Variants in SGCZ observed in about 807,000 individuals in gnomAD.
SGCZ encodes zeta-sarcoglycan.
In SGCZ, 40 loss-of-function variants were observed where a neutral mutation model predicts 41.3. The observed-to-expected ratio is 0.97, with a 90% CI of 0.75 to 1.26. SGCZ has a LOEUF of 1.26. SGCZ is among the 50% of genes most tolerant of loss of function. The pLI, the probability that SGCZ is intolerant of heterozygous loss-of-function variation, is 0.00. For missense variants in SGCZ, 552 were observed against 369.8 expected (o/e 1.49, Z -4.04); for synonymous variants, 206 against 137.5 (o/e 1.50, Z -3.49).
chr8:14,469,559 A>C (rs527750342), intron 2 of SGCZ, among the ~76,000 whole-genome samples: 1 of 152,066 alleles, frequency 6.6e-6, no homozygotes, highest in Non-Finnish European at 1.5e-5. Flanking sequence ...AATCCTTGGA[A>C]TCTTTGAAGT....
chr8:14,264,768 T>G (rs1328827108), intron 3 of SGCZ, among the ~76,000 whole-genome samples: 3 of 152,126 alleles, frequency 2.0e-5, no homozygotes, highest in Admixed American at 1.3e-4. Context: ...AAGACCATCC[T>G]GGCTAACACG....
intron 1 of SGCZ, among the ~76,000 whole-genome samples, chr8:15,073,566 T>TAAAAAAA (rs1805427246): frequency 6.6e-6 from 1 of 152,186 alleles, no homozygotes; most frequent in Non-Finnish European, 1.5e-5. Context: ...GATTAACATT[T>TAAAAAAA]TAATCTGTAA....
chr8:14,359,273 T>C (rs1387987058), intron 2 of SGCZ, among the ~76,000 whole-genome samples: 1 of 152,126 alleles, frequency 6.6e-6, no homozygotes, highest in African/African-American at 2.4e-5. Flanking sequence ...AGCTCCAGTA[T>C]GTCTAGCGGT....
intron 5 of SGCZ, among the ~76,000 whole-genome samples, chr8:14,112,289 G>GA (rs77331046): frequency 6.8e-6 from 1 of 148,070 alleles, no homozygotes; most frequent in Non-Finnish European, 1.5e-5. Context: ...TTTGTGGGGG[G>GA]GGGGTGCAAA....
intron 1 of SGCZ, among the ~76,000 whole-genome samples, chr8:15,025,597 T>C (rs1803426578): frequency 6.6e-6 from 1 of 152,184 alleles, no homozygotes; most frequent in Non-Finnish European, 1.5e-5. Flanking sequence ...TCACCAGTGA[T>C]TTGATGACAA....
chr8:14,620,520 A>G lies in SGCZ; in HGVS notation c.40-65594T>C, dbSNP rs559562931. Among the ~76,000 whole-genome samples the G allele has an allele frequency of 2.1e-3, 321 of 152,292 alleles. 1 individual carries two copies. Among genetic ancestry groups the G allele is most frequent in the Middle Eastern group, 6.8e-3 (2 of 294 alleles). Reference sequence around the variant, plus strand: ...AACAGGCAACCTACAGAATGGGAGAAAATTTTTGCAACCTACTTATCTGAC... The same window carrying G: ...AACAGGCAACCTACAGAATGGGAGAGAATTTTTGCAACCTACTTATCTGAC... On this transcript the variant is annotated intron_variant, in intron 1 of 7. Coordinates refer to ENST00000382080, the MANE Select transcript of SGCZ (RefSeq NM_139167.4).
intron 1 of SGCZ, among the ~76,000 whole-genome samples, chr8:14,670,734 C>G (rs1303984829): frequency 6.6e-6 from 1 of 152,110 alleles, no homozygotes; most frequent in African/African-American, 2.4e-5. Context: ...CATTTATTTT[C>G]AGTACAACCC....
chr8:14,656,565 TC>T (rs1807583882), intron 1 of SGCZ, among the ~76,000 whole-genome samples: 1 of 150,394 alleles, frequency 6.6e-6, no homozygotes, highest in African/African-American at 2.4e-5. Flanking sequence ...TTCTTTCTTT[TC>T]CTTCCCTGCT....
chr8:14,868,331 C>G (rs1321348456), intron 1 of SGCZ, among the ~76,000 whole-genome samples: 1 of 152,120 alleles, frequency 6.6e-6, no homozygotes, highest in Admixed American at 6.6e-5. Flanking sequence ...CCCAACCATT[C>G]TAAGCAACAC....
intron 3 of SGCZ, among the ~76,000 whole-genome samples, chr8:14,238,761 C>T (rs533862017): frequency 2.4e-4 from 37 of 151,984 alleles, no homozygotes; most frequent in Admixed American, 1.2e-3. Flanking sequence ...GGGGACATTT[C>T]GGTGATCAAA....
chr8:15,083,323 T>A (rs1294123247), intron 1 of SGCZ, among the ~76,000 whole-genome samples: 1 of 152,192 alleles, frequency 6.6e-6, no homozygotes, highest in Non-Finnish European at 1.5e-5. Context: ...AAACAGATCA[T>A]CTCTCCTTAG....
intron 1 of SGCZ, among the ~76,000 whole-genome samples, chr8:15,006,019 T>C (rs1306842237): frequency 6.6e-6 from 1 of 152,236 alleles, no homozygotes; most frequent in Non-Finnish European, 1.5e-5. Flanking sequence ...CTGTTTTATT[T>C]ATTTTGTCAT....
chr8:15,094,771 T>C (rs1806276277), intron 1 of SGCZ, among the ~76,000 whole-genome samples: 1 of 151,994 alleles, frequency 6.6e-6, no homozygotes, highest in Non-Finnish European at 1.5e-5. Flanking sequence ...TGATAGTGAG[T>C]TGTCTCAAGT....
chr8:14,641,168 T>G (rs1807014214), intron 1 of SGCZ, among the ~76,000 whole-genome samples: 1 of 151,648 alleles, frequency 6.6e-6, no homozygotes, highest in Non-Finnish European at 1.5e-5. Flanking sequence ...ATATCAAAAT[T>G]GCTTCTACTG....
intron 1 of SGCZ, among the ~76,000 whole-genome samples, chr8:15,149,578 C>T (rs1206545040): frequency 6.6e-6 from 1 of 152,038 alleles, no homozygotes; most frequent in Non-Finnish European, 1.5e-5. Context: ...ATTTTCAATG[C>T]AAGTTAAAAC....
intron 2 of SGCZ, among the ~76,000 whole-genome samples, chr8:14,528,581 A>T (rs1803023637): frequency 6.6e-6 from 1 of 151,972 alleles, no homozygotes; most frequent in Non-Finnish European, 1.5e-5. Context: ...TTTAAAATAG[A>T]CTTTCTCTGT....
chr8:14,224,331 G>A (rs1445011461), intron 4 of SGCZ, among the ~76,000 whole-genome samples: 1 of 152,148 alleles, frequency 6.6e-6, no homozygotes, highest in Non-Finnish European at 1.5e-5. Flanking sequence ...ATGAGGTTCA[G>A]TATTCTCCTT....
At chr8:14,128,574 C>A (rs1033433028) in intron 5 of SGCZ, among the ~76,000 whole-genome samples, 1 of 152,082 alleles carries the variant, frequency 6.6e-6, no homozygotes, top group Non-Finnish European at 1.5e-5. Context: ...GAAAGTAAAT[C>A]ATTTTATCAA....
At position 14,996,942 on chromosome 8, in the gene SGCZ, G is replaced by A. The variant is rs1254397816; in HGVS notation, c.39+240643C>T. Among the ~76,000 whole-genome samples, 9 of 152,254 alleles carry A rather than the reference G, an allele frequency of 5.9e-5. No homozygotes were observed. In the East Asian group the frequency reaches 1.5e-3, roughly 26 times the overall value. ...CCCTAGTTATTCGTGGGTTAATAGAGGGCCCCTAATTACTACTCTACATAG... is the reference window on the plus strand; with the variant it reads ...CCCTAGTTATTCGTGGGTTAATAGAAGGCCCCTAATTACTACTCTACATAG... On this transcript the variant is annotated intron_variant, in intron 1 of 7. Transcript: ENST00000382080.
Sources: allele counts gnomAD v4.1 joint callset (sites outside exome capture counted in the v4.1 genomes callset), GRCh38; gene constraint gnomAD v4.1.1; transcripts MANE v1.5; gene names NCBI Gene and HGNC (gene_info 2026-07-23, HGNC 2026-07-21).